Variants in PKN2 observed in about 807,000 individuals in gnomAD.
PKN2 encodes protein kinase N2, also known as serine/threonine-protein kinase N2.
In PKN2, 38 loss-of-function variants were observed where a neutral mutation model predicts 119.1. That is an observed-to-expected ratio of 0.32 (90% CI 0.25 to 0.42). The LOEUF is 0.42. PKN2 is among the 10% of genes least tolerant of loss of function. PKN2 has a pLI of 1.00. For synonymous variants in PKN2, 390 were observed against 384.9 expected (o/e 1.01, Z -0.15); for missense variants, 850 against 1,165.1 (o/e 0.73, Z 3.94).
At chr1:88,781,500 A>G (rs774052365) in intron 6 of PKN2, among the ~76,000 whole-genome samples, 18 of 152,132 alleles carry the variant, frequency 1.2e-4, no homozygotes, top group Admixed American at 2.0e-4. Context: ...CATAGTTATT[A>G]CTTCTGAATA....
At position 88,773,098 on chromosome 1, in the gene PKN2, A is replaced by G. The variant is rs150661383; in HGVS notation, c.985+1219A>G. Among the ~76,000 whole-genome samples the G allele has an allele frequency of 3.8e-3, 580 of 152,258 alleles. 12 individuals carry two copies. Among genetic ancestry groups the G allele is most frequent in the East Asian group, 0.031 (162 of 5,184 alleles). On this transcript the variant is annotated intron_variant, in intron 6 of 21. Coordinates refer to ENST00000370521, the MANE Select transcript of PKN2 (RefSeq NM_006256.4). ...TGTCTCCTATAACAATATTTAATTT[A>G]AAATCTGTTTTGTCTGATTTTATAA...
At chr1:88,790,948 C>G (rs1346809756) in intron 8 of PKN2, among the ~76,000 whole-genome samples, 1 of 152,016 alleles carries the variant, frequency 6.6e-6, no homozygotes, top group African/African-American at 2.4e-5. Context: ...TTTTGAAAAA[C>G]AACACCCTGT....
intron 2 of PKN2, among the ~76,000 whole-genome samples, chr1:88,756,101 G>A (rs1274050006): frequency 6.6e-6 from 1 of 151,802 alleles, no homozygotes; most frequent in African/African-American, 2.4e-5. Flanking sequence ...TAGTAGAGAC[G>A]GGGTTTCACC....
At chr1:88,824,465 A>G (rs1316011424) in intron 18 of PKN2, 79 bp downstream of exon 18, 4 of 818,356 alleles carry the variant, frequency 4.9e-6, no homozygotes, top group East Asian at 4.9e-5. Context: ...AAGTTTGTCT[A>G]TGGAAAACAA....
chr1:88,803,063 C>G (rs1350577121), intron 8 of PKN2, among the ~76,000 whole-genome samples: 1 of 152,112 alleles, frequency 6.6e-6, no homozygotes, highest in African/African-American at 2.4e-5. Flanking sequence ...CTTCTATATG[C>G]CATTTGCTAG....
At position 88,771,633 on chromosome 1, in the gene PKN2, A is replaced by G. The variant is rs750265683; in HGVS notation, c.769-30A>G. 25 of 1,598,034 alleles carry G rather than the reference A, an allele frequency of 1.6e-5. No homozygotes were observed. The Admixed American group carries it at 4.2e-4, about 27-fold the overall frequency. On this transcript the variant is annotated intron_variant, in intron 5 of 21. Coordinates refer to ENST00000370521, the MANE Select transcript of PKN2 (RefSeq NM_006256.4). ...TTATTCAAAGTATGTGATTATTTAA[A>G]TGACAACAATTGTCTTTTCCCTGTG...
At chr1:88,725,076 T>C (rs1447553495) in intron 1 of PKN2, among the ~76,000 whole-genome samples, 1 of 152,112 alleles carries the variant, frequency 6.6e-6, no homozygotes, top group Non-Finnish European at 1.5e-5. Context: ...TATTGCTTAG[T>C]AGCATGCTGT....
intron 18 of PKN2, among the ~76,000 whole-genome samples, chr1:88,828,003 G>T (rs959737449): frequency 6.6e-6 from 1 of 152,032 alleles, no homozygotes; most frequent in Non-Finnish European, 1.5e-5. Context: ...GTGATTACAA[G>T]CATGAGCCAC....
Position 88,805,553 on chromosome 1 carries a change from C to A in PKN2, c.1558C>A (p.Leu520Ile). Residue 520 changes from leucine to isoleucine, a missense_variant, in exon 11 of 22, where the codon CTA (leucine) becomes ATA (isoleucine). Leu to Ile is a conservative substitution (Grantham distance 5). Transcript: ENST00000370521. ...MNINIATWGRLVRRAIPTVNH... is the reference protein window; with the variant it reads ...MNINIATWGRIVRRAIPTVNH... ...TATTAATATTGCCACTTGGGGAAGG[C>A]TAGTAAGAAGAGCTATTCCTACAGT... 6.2e-7 allele frequency: 1 copy of A among 1,613,682 alleles called. No homozygotes were observed. The highest frequency in any genetic ancestry group is 8.5e-7 in the Non-Finnish European group (1 of 1,179,754).
chr1:88,795,106 C>T (rs529348931), intron 8 of PKN2, among the ~76,000 whole-genome samples: 1 of 152,166 alleles, frequency 6.6e-6, no homozygotes, highest in East Asian at 1.9e-4. Context: ...TTCTACCCCA[C>T]GTCAGACTCC....
At chr1:88,776,322 G>T (rs1156648183) in intron 6 of PKN2, among the ~76,000 whole-genome samples, 2 of 149,906 alleles carry the variant, frequency 1.3e-5, no homozygotes, top group Non-Finnish European at 3.0e-5. Flanking sequence ...TTATGGGCGG[G>T]TCTCCTAGTG....
At position 88,713,282 on chromosome 1, in the gene PKN2, A is replaced by G. The variant is rs560422205; in HGVS notation, c.49-27706A>G. ...TAGCATGATTTATAATCCTTTGGGTATATACCCAGTTAATGGGATTGCTGG... is the reference window on the plus strand; with the variant it reads ...TAGCATGATTTATAATCCTTTGGGTGTATACCCAGTTAATGGGATTGCTGG... On this transcript the variant is annotated intron_variant, in intron 1 of 21. Transcript: ENST00000370521. Among the ~76,000 whole-genome samples the G allele has an allele frequency of 1.6e-3, 238 of 152,332 alleles. 1 individual carries two copies. The highest frequency in any genetic ancestry group is 9.7e-3 in the South Asian group (47 of 4,824).
chr1:88,730,117 A>G (rs1668083127), intron 1 of PKN2, among the ~76,000 whole-genome samples: 2 of 151,554 alleles, frequency 1.3e-5, no homozygotes, highest in African/African-American at 4.9e-5. Context: ...GTGAGCGGAG[A>G]TTGTGCCACT....
At chr1:88,814,781 A>G (rs1169582334) in intron 16 of PKN2, among the ~76,000 whole-genome samples, 1 of 152,162 alleles carries the variant, frequency 6.6e-6, no homozygotes, top group Non-Finnish European at 1.5e-5. Context: ...TGTAGAATAT[A>G]TCCCAAGTCA....
chr1:88,787,991 G>T (rs1369621672), intron 8 of PKN2, among the ~76,000 whole-genome samples: 3 of 152,040 alleles, frequency 2.0e-5, no homozygotes, highest in Non-Finnish European at 4.4e-5. Context: ...AAACATAGAT[G>T]GAAACATTTC....
At chr1:88,758,410 TGTGAAGATTTG>T (rs1194598509) in intron 2 of PKN2, among the ~76,000 whole-genome samples, 5 of 152,106 alleles carry the variant, frequency 3.3e-5, no homozygotes, top group African/African-American at 7.2e-5. Context: ...TAAGGGTACC[TGTGAAGATTTG>T]TTATATAAGT....
Position 88,741,236 on chromosome 1 carries a change from G to C in PKN2, c.297G>C (p.Lys99Asn). 1.3e-6 allele frequency: 2 copies of C among 1,599,366 alleles called. No homozygotes were observed. Among genetic ancestry groups the C allele is most frequent in the Non-Finnish European group, 8.5e-7 (1 of 1,175,778 alleles). Reference sequence around the variant, plus strand: ...AAAAATTAGAAGAACTACATCACAAGCTGCAGGAATTAAATGCACATATTG... The same window carrying C: ...AAAAATTAGAAGAACTACATCACAACCTGCAGGAATTAAATGCACATATTG... ...SNKKLEELHH[K>N]LQELNAHIVV... The change falls in exon 2 of 22, where the codon AAG becomes AAC. Residue 99 changes from lysine (K) to asparagine (N), a missense_variant. By Grantham distance (94) the Lys-to-Asn change is moderately conservative. Coordinates refer to ENST00000370521, the MANE Select transcript of PKN2 (RefSeq NM_006256.4).
At chr1:88,734,420 A>G (rs78543629) in intron 1 of PKN2, among the ~76,000 whole-genome samples, 6,145 of 152,240 alleles carry the variant, frequency 0.04, 279 homozygotes, top group African/African-American at 0.1. Context: ...TCATTCTCTC[A>G]TGTGGATATC....
At chr1:88,700,758 C>G (rs1223043344) in intron 1 of PKN2, among the ~76,000 whole-genome samples, 1 of 152,178 alleles carries the variant, frequency 6.6e-6, no homozygotes, top group African/African-American at 2.4e-5. Context: ...TTCTATTTAT[C>G]TGCCTCTTTT....
Sources: gnomAD v4.1 joint callset for allele counts (sites outside exome capture counted in the v4.1 genomes callset) on GRCh38, gnomAD v4.1.1 for gene constraint, MANE v1.5 for transcripts, NCBI Gene and HGNC (gene_info 2026-07-23, HGNC 2026-07-21) for gene names.